The following ARL15 variants were observed in gnomAD, a reference collection of about 807,000 sequenced individuals.
ARL15 encodes the protein ADP-ribosylation factor-like protein 15.
ARL15 carries 19 observed loss-of-function variants against 25.2 expected under a neutral mutation model. The observed-to-expected ratio is 0.75, with a 90% CI of 0.53 to 1.10. ARL15 has a LOEUF of 1.10. Among genes scored for constraint, ARL15 ranks in the 50% least tolerant of loss-of-function variants. The pLI, the probability that ARL15 is intolerant of heterozygous loss-of-function variation, is 0.00. For synonymous variants in ARL15, 94 were observed against 86.8 expected (o/e 1.08, Z -0.46); for missense variants, 220 against 246.0 (o/e 0.89, Z 0.71).
intron 1 of ARL15, among the ~76,000 whole-genome samples, chr5:54,245,792 T>A (rs1363554075): frequency 6.6e-6 from 1 of 152,144 alleles, no homozygotes; most frequent in African/African-American, 2.4e-5. Flanking sequence ...TTCACCATGT[T>A]GGCCAAGCTG....
intron 3 of ARL15, among the ~76,000 whole-genome samples, chr5:54,138,093 C>T (rs1753659969): frequency 6.6e-6 from 1 of 152,076 alleles, no homozygotes; most frequent in Non-Finnish European, 1.5e-5. Context: ...TTTTGTAATG[C>T]TACAAATTAC....
chr5:54,291,211 T>A (rs1344466717), intron 1 of ARL15, among the ~76,000 whole-genome samples: 1 of 152,178 alleles, frequency 6.6e-6, no homozygotes, highest in African/African-American at 2.4e-5. Flanking sequence ...TTTAGAAAAC[T>A]CATCCACCCT....
At chr5:54,101,541 G>GT (rs1362911252) in intron 4 of ARL15, among the ~76,000 whole-genome samples, 1 of 152,106 alleles carries the variant, frequency 6.6e-6, no homozygotes, top group Non-Finnish European at 1.5e-5. Flanking sequence ...AAAGAAGCCT[G>GT]TATTTCCCTA....
chr5:54,038,639 T>G (rs554684760), intron 4 of ARL15, among the ~76,000 whole-genome samples: 8 of 152,160 alleles, frequency 5.3e-5, no homozygotes, highest in Admixed American at 3.3e-4. Context: ...TCTCACTCTG[T>G]GAATTTACAT....
chr5:53,888,381 G>C (rs370407389), intron 4 of ARL15, among the ~76,000 whole-genome samples: 1 of 151,878 alleles, frequency 6.6e-6, no homozygotes, highest in South Asian at 2.1e-4. Flanking sequence ...CCCAGGCTTG[G>C]GCGATCCTCC....
intron 3 of ARL15, among the ~76,000 whole-genome samples, chr5:54,114,417 A>AAAAAAAAATAAAAAT (rs1190191336): frequency 6.7e-6 from 1 of 148,964 alleles, no homozygotes. Context: ...AAAAAAAAAA[A>AAAAAAAAATAAAAAT]AAAAAGCAAC....
intron 4 of ARL15, among the ~76,000 whole-genome samples, chr5:54,032,948 G>A (rs1750038865): frequency 6.6e-6 from 1 of 151,804 alleles, no homozygotes; most frequent in Non-Finnish European, 1.5e-5. Context: ...TTTGGAGTCA[G>A]GTAGGTATGT....
At chr5:54,002,342 G>A (rs1422135996) in intron 4 of ARL15, among the ~76,000 whole-genome samples, 1 of 152,208 alleles carries the variant, frequency 6.6e-6, no homozygotes, top group African/African-American at 2.4e-5. Flanking sequence ...CAAAGGAAGT[G>A]ACCTAGAGAG....
At chr5:54,173,946 C>T (rs1239333703) in intron 1 of ARL15, among the ~76,000 whole-genome samples, 3 of 152,110 alleles carry the variant, frequency 2.0e-5, no homozygotes, top group Non-Finnish European at 2.9e-5. Context: ...ACTTAGCCAA[C>T]ACCTCATCAT....
At chr5:54,108,194 A>G (rs1752643689) in intron 4 of ARL15, among the ~76,000 whole-genome samples, 1 of 152,130 alleles carries the variant, frequency 6.6e-6, no homozygotes, top group African/African-American at 2.4e-5. Flanking sequence ...TATTTTCAAG[A>G]GATAGCTGAG....
chr5:54,262,047 C>T (rs1209155775), intron 1 of ARL15, among the ~76,000 whole-genome samples: 4 of 152,062 alleles, frequency 2.6e-5, no homozygotes, highest in African/African-American at 9.7e-5. Context: ...GAAATAAATA[C>T]TCACATGTAA....
intron 1 of ARL15, among the ~76,000 whole-genome samples, chr5:54,261,253 A>G (rs2112622280): frequency 6.6e-6 from 1 of 152,362 alleles, no homozygotes; most frequent in Middle Eastern, 3.4e-3. Flanking sequence ...CTTCCTTGCC[A>G]GCTGCACCCA....
At chr5:54,218,985 GT>G (rs61665897) in intron 1 of ARL15, among the ~76,000 whole-genome samples, 41,440 of 146,856 alleles carry the variant, frequency 0.28, 6,096 homozygotes, top group African/African-American at 0.34. Flanking sequence ...TGCTACTGCT[GT>G]TTTTTTTTTT....
intron 3 of ARL15, among the ~76,000 whole-genome samples, chr5:54,138,709 G>A (rs1044288324): frequency 1.4e-4 from 21 of 151,946 alleles, no homozygotes; most frequent in African/African-American, 4.8e-4. Flanking sequence ...CTGCACAGCC[G>A]AAGAAATAAT....
In ARL15 at chr5:54,276,829, AGG is replaced by A. The variant is rs1479694337; in HGVS notation, c.48+33601_48+33602del. Among the ~76,000 whole-genome samples the A allele has an allele frequency of 2.6e-5, 4 of 152,228 alleles. No individual in the cohort carries two copies. The South Asian group carries it at 6.2e-4, about 24-fold the overall frequency. On this transcript the variant is annotated intron_variant, in intron 1 of 4. Transcript: ENST00000504924. Reference sequence around the variant, plus strand: ...AAGCTAGAAGTATGCCATTGCCAGAAGGGGCCATGAGCTGAGGAATACAGATA... The same window carrying A: ...AAGCTAGAAGTATGCCATTGCCAGAAGGCCATGAGCTGAGGAATACAGATA...
chr5:53,979,586 C>T (rs1748053613), intron 4 of ARL15, among the ~76,000 whole-genome samples: 1 of 152,088 alleles, frequency 6.6e-6, no homozygotes, highest in East Asian at 1.9e-4. Context: ...AAATCTCATA[C>T]TATAGCAACC....
chr5:54,225,512 G>A (rs989067398), intron 1 of ARL15, among the ~76,000 whole-genome samples: 3 of 152,168 alleles, frequency 2.0e-5, no homozygotes, highest in Admixed American at 6.5e-5. Flanking sequence ...GAATGACTGG[G>A]TGGTGAAGAG....
rs78402586 is a variant in ARL15 at position 54,225,196 on chromosome 5, T to C, written c.49-53268A>G. On this transcript the variant is annotated intron_variant, in intron 1 of 4. Transcript: ENST00000504924. ...CTGATTTTTCATCCTTCTGCCAAGA[T>C]GGGGAAACTCAAAATTTCAGTCAGG... is the stretch of plus-strand genomic sequence containing the variant. 7.3e-3 allele frequency among the ~76,000 whole-genome samples: 1,116 copies of C among 152,186 alleles called. 16 individuals carry two copies. Among genetic ancestry groups the C allele is most frequent in the East Asian group, 0.038 (195 of 5,166 alleles).
intron 4 of ARL15, among the ~76,000 whole-genome samples, chr5:53,955,964 T>C (rs970494456): frequency 6.6e-6 from 1 of 152,036 alleles, no homozygotes; most frequent in Non-Finnish European, 1.5e-5. Context: ...CCCAAAAATA[T>C]GGAAAAGAAA....
Sources: allele counts gnomAD v4.1 joint callset (sites outside exome capture counted in the v4.1 genomes callset), GRCh38; gene constraint gnomAD v4.1.1; transcripts MANE v1.5; gene names NCBI Gene and HGNC (gene_info 2026-07-23, HGNC 2026-07-21).